Variants in TMEM132B observed in about 807,000 individuals in gnomAD.
The protein encoded by TMEM132B is transmembrane protein 132B.
TMEM132B carries 18 observed loss-of-function variants against 90.8 expected under a neutral mutation model. The ratio of observed to expected loss-of-function variants is 0.20; its 90% CI spans 0.14 to 0.29. TMEM132B has a LOEUF of 0.29. Ranked by LOEUF, TMEM132B falls within the 10% of genes least tolerant of loss-of-function variation. TMEM132B has a pLI of 1.00. For synonymous variants in TMEM132B, 504 were observed against 523.3 expected (o/e 0.96, Z 0.50); for missense variants, 1,096 against 1,326.8 (o/e 0.83, Z 2.70).
Position 125,559,927 on chromosome 12 carries a change from C to T in TMEM132B, c.1294-23924C>T, listed in dbSNP as rs987014563. 5.9e-5 allele frequency among the ~76,000 whole-genome samples: 9 copies of T among 152,288 alleles called. No individual in the cohort carries two copies. The East Asian group carries it at 1.2e-3, about 20-fold the overall frequency. On this transcript the variant is annotated intron_variant, in intron 4 of 8. Transcript: ENST00000682704. ...AGACAGGAACCTGTGGGCAGCTCCA[C>T]GTGTGATAAGGAAGCCACTGGAAAA...
chr12:125,518,140 G>A lies in TMEM132B; in HGVS notation c.1107-1299G>A, dbSNP rs554545402. The stretch of plus-strand genomic sequence containing the variant: ...AATTTCTTACCAATCAGGTCAGTGT[G>A]ATTTCGTGTTGTCAGTGCTGTGGCT... On this transcript the variant is annotated intron_variant, in intron 3 of 8. Coordinates refer to ENST00000682704, the MANE Select transcript of TMEM132B (RefSeq NM_001366854.1). Among the ~76,000 whole-genome samples the A allele has an allele frequency of 2.0e-5, 3 of 152,212 alleles. No individual in the cohort carries two copies. The East Asian group carries it at 5.8e-4, about 30-fold the overall frequency.
intron 2 of TMEM132B, among the ~76,000 whole-genome samples, chr12:125,354,793 A>C (rs1029984927): frequency 6.6e-6 from 1 of 152,220 alleles, no homozygotes; most frequent in African/African-American, 2.4e-5. Context: ...TGCTATAATT[A>C]ATATGTGTTA....
rs369610871 is a variant in TMEM132B at position 125,415,649 on chromosome 12, A to C, written c.1078A>C (p.Met360Leu). 1.7e-5 allele frequency: 27 copies of C among 1,614,192 alleles called. No individual in the cohort carries two copies. The highest frequency in any genetic ancestry group is 2.3e-5 in the Non-Finnish European group (27 of 1,180,028). ...TCAGACGTCGGCCACCCTCACCTGC[A>C]TGGGCCATCGCCCGGACACGCAGAG... ...STQTSATLTC[M>L]GHRPDTQSRV... Residue 360 changes from methionine (M) to leucine (L), a missense_variant, in exon 3 of 9, where the codon ATG becomes CTG. By Grantham distance (15) the Met-to-Leu change is conservative. Coordinates refer to ENST00000682704, the MANE Select transcript of TMEM132B (RefSeq NM_001366854.1). This position sits in a 1 kb window ranked among gnomAD's most constrained non-coding sequence, Gnocchi z 5.3.
chr12:125,244,943 C>T (rs11058105), intron 1 of TMEM132B, among the ~76,000 whole-genome samples: 8,035 of 152,196 alleles, frequency 0.053, 284 homozygotes, highest in African/African-American at 0.091. Context: ...TCTCGGCTTC[C>T]CCCTCAGTTT....
intron 1 of TMEM132B, among the ~76,000 whole-genome samples, chr12:125,320,517 A>G (rs1876399995): frequency 2.0e-5 from 3 of 152,150 alleles, no homozygotes; most frequent in Admixed American, 1.3e-4. Flanking sequence ...TGGAGAGGAC[A>G]TTAGGGGTTC....
At chr12:125,420,327 C>G (rs145002788) in intron 3 of TMEM132B, among the ~76,000 whole-genome samples, 4 of 152,370 alleles carry the variant, frequency 2.6e-5, no homozygotes, top group Non-Finnish European at 5.9e-5. Context: ...CCTCTAAAAT[C>G]TAGGCAGAGG....
chr12:125,391,776 G>A (rs559472543), intron 2 of TMEM132B, among the ~76,000 whole-genome samples: 1 of 152,090 alleles, frequency 6.6e-6, no homozygotes, highest in Admixed American at 6.5e-5. Context: ...TAATTAATTA[G>A]TTTTTTGAGA....
rs529101957 is a variant in TMEM132B, at chr12:125,313,720, G to T, written c.68-35732G>T. On this transcript the variant is annotated intron_variant, in intron 1 of 8. Coordinates refer to ENST00000682704, the MANE Select transcript of TMEM132B (RefSeq NM_001366854.1). The stretch of plus-strand genomic sequence containing the variant: ...TCCCCCCCTCCCTCCATTGGTTTGG[G>T]TTAATTTTCTGCCACATGCAACCCA... Among the ~76,000 whole-genome samples, 383 of 119,284 alleles carry T rather than the reference G, an allele frequency of 3.2e-3. 5 individuals are homozygous for T. The highest frequency in any genetic ancestry group is 0.012 in the African/African-American group (358 of 30,428). The allele number at this position is 119,284 out of a possible 152,430, so 78.3% of individuals were successfully genotyped here. A position where few individuals can be genotyped will look rare whatever the true frequency, so the allele number is the denominator to read the frequency against.
rs553600441 is a variant in TMEM132B, at chr12:125,599,110, T to C, written c.1437+15116T>C. Among the ~76,000 whole-genome samples, 54 of 152,318 alleles carry C rather than the reference T, an allele frequency of 3.5e-4. 1 individual carries two copies. Among genetic ancestry groups the C allele is most frequent in the Admixed American group, 2.7e-3 (41 of 15,302 alleles). ...AATTATAGCTCCCATAATCCTCATGTGTCATAGGAGGGACCTAGTGGGAGG... is the reference window on the plus strand; with the variant it reads ...AATTATAGCTCCCATAATCCTCATGCGTCATAGGAGGGACCTAGTGGGAGG... On this transcript the variant is annotated intron_variant, in intron 5 of 8. Transcript: ENST00000682704.
At chr12:125,563,964 C>A (rs979755281) in intron 4 of TMEM132B, among the ~76,000 whole-genome samples, 3 of 152,154 alleles carry the variant, frequency 2.0e-5, no homozygotes, top group Non-Finnish European at 4.4e-5. Flanking sequence ...AGACTTCTGG[C>A]CTGCAAAACT....
intron 5 of TMEM132B, among the ~76,000 whole-genome samples, chr12:125,601,275 G>A (rs911414950): frequency 3.9e-5 from 6 of 151,986 alleles, no homozygotes; most frequent in Non-Finnish European, 7.4e-5. Flanking sequence ...CTCAGACCAC[G>A]GTGAAATCAA....
chr12:125,421,585 G>C (rs530273911), intron 3 of TMEM132B, among the ~76,000 whole-genome samples: 14 of 152,196 alleles, frequency 9.2e-5, no homozygotes, highest in Non-Finnish European at 1.3e-4. Flanking sequence ...TGAGATCTGG[G>C]TGAGGACACA....
At chr12:125,653,236 G>C (rs529493971) in intron 8 of TMEM132B, among the ~76,000 whole-genome samples, 2 of 152,274 alleles carry the variant, frequency 1.3e-5, no homozygotes, top group South Asian at 4.1e-4. Flanking sequence ...CTGATTTGTT[G>C]CACCTGAAAT....
intron 5 of TMEM132B, among the ~76,000 whole-genome samples, chr12:125,617,367 C>T (rs756521276): frequency 1.0e-4 from 14 of 134,054 alleles, no homozygotes; most frequent in South Asian, 2.4e-4. Context: ...TTTTTTGAGA[C>T]GGAATTTCAC....
chr12:125,424,249 A>G (rs1213809659), intron 3 of TMEM132B, among the ~76,000 whole-genome samples: 1 of 152,318 alleles, frequency 6.6e-6, no homozygotes. Flanking sequence ...TAGGAGGGAA[A>G]GCTAGACATG....
chr12:125,445,705 A>G lies in TMEM132B; in HGVS notation c.1106+30028A>G, dbSNP rs1407711213. Among the ~76,000 whole-genome samples, 5 of 152,150 alleles carry G rather than the reference A, an allele frequency of 3.3e-5. No homozygotes were observed. Among genetic ancestry groups the G allele is most frequent in the African/African-American group, 1.2e-4 (5 of 41,430 alleles). ...GGGTACCATCTTGTTGGGGCCTTCT[A>G]GTGTGGACACTGTGCACCCCAGGCC... On this transcript the variant is annotated intron_variant, in intron 3 of 8. Transcript: ENST00000682704. This position sits in a 1 kb window ranked among gnomAD's most constrained non-coding sequence, Gnocchi z 4.3.
chr12:125,646,818 C>A (rs1355308362), intron 6 of TMEM132B, among the ~76,000 whole-genome samples: 2 of 152,060 alleles, frequency 1.3e-5, no homozygotes, highest in Non-Finnish European at 2.9e-5. Flanking sequence ...TTTGTCATAC[C>A]AAGAATTAGA....
intron 4 of TMEM132B, among the ~76,000 whole-genome samples, chr12:125,580,890 A>G (rs1885040291): frequency 6.6e-6 from 1 of 152,192 alleles, no homozygotes; most frequent in South Asian, 2.1e-4. Context: ...GTTTTTTGAT[A>G]GGTTAGGAAT....
intron 5 of TMEM132B, among the ~76,000 whole-genome samples, chr12:125,602,399 G>A (rs1157176118): frequency 2.0e-5 from 3 of 152,078 alleles, no homozygotes; most frequent in African/African-American, 4.8e-5. Flanking sequence ...AAATGCCTTC[G>A]ATAAAACTCA....
Sources: gnomAD v4.1 joint callset for allele counts (sites outside exome capture counted in the v4.1 genomes callset) on GRCh38, gnomAD v4.1.1 for gene constraint, Gnocchi (gnomAD v3.1) non-coding constraint, MANE v1.5 for transcripts, NCBI Gene and HGNC (gene_info 2026-07-23, HGNC 2026-07-21) for gene names.